The following KCNH5 variants were observed in gnomAD, a reference collection of about 807,000 sequenced individuals.
The protein encoded by KCNH5 is potassium voltage-gated channel subfamily H member 5, also known as voltage-gated delayed rectifier potassium channel KCNH5.
KCNH5 carries 46 observed loss-of-function variants against 96.1 expected under a neutral mutation model. The observed-to-expected ratio is 0.48, with a 90% CI of 0.38 to 0.61. The LOEUF (loss-of-function observed/expected upper bound fraction) is 0.61. Ranked by LOEUF, KCNH5 falls within the 20% of genes least tolerant of loss-of-function variation. The probability of loss-of-function intolerance (pLI) is 0.00; values close to 1 mark genes in which losing one functional copy is unlikely to be tolerated. For synonymous variants in KCNH5, 439 were observed against 449.8 expected (o/e 0.98, Z 0.30); for missense variants, 907 against 1,225.8 (o/e 0.74, Z 3.88).
At chr14:62,856,566 A>T (rs1887933587) in intron 7 of KCNH5, among the ~76,000 whole-genome samples, 1 of 152,242 alleles carries the variant, frequency 6.6e-6, no homozygotes, top group Non-Finnish European at 1.5e-5. Context: ...ATCTGTGATC[A>T]TCTGTGTAGC....
chr14:62,989,911 T>C (rs1890778479), intron 4 of KCNH5, among the ~76,000 whole-genome samples: 1 of 152,104 alleles, frequency 6.6e-6, no homozygotes, highest in African/African-American at 2.4e-5. Flanking sequence ...GTCATAGGTA[T>C]ATTATAATTT....
chr14:62,812,486 C>A (rs1886892343), intron 8 of KCNH5, among the ~76,000 whole-genome samples: 1 of 152,118 alleles, frequency 6.6e-6, no homozygotes, highest in African/African-American at 2.4e-5. Flanking sequence ...AGGACCTGAG[C>A]CAGAGGTTAG....
chr14:62,708,528 G>C (rs2033336224), intron 10 of KCNH5, 73 bp from the exon 11 acceptor site: 2 of 906,396 alleles, frequency 2.2e-6, no homozygotes, highest in Non-Finnish European at 1.6e-6. Context: ...ATACTATGCT[G>C]TATGTGCTTT....
intron 7 of KCNH5, among the ~76,000 whole-genome samples, chr14:62,894,031 C>T (rs1888762477): frequency 6.6e-6 from 1 of 152,162 alleles, no homozygotes; most frequent in African/African-American, 2.4e-5. Context: ...ATTGAAGACT[C>T]AGATGATTTT....
intron 8 of KCNH5, among the ~76,000 whole-genome samples, chr14:62,805,896 GAAC>G (rs1886757579): frequency 6.6e-6 from 1 of 152,154 alleles, no homozygotes; most frequent in African/African-American, 2.4e-5. Context: ...ATGTGAACCA[GAAC>G]AACTCCATCT....
At chr14:62,947,026 A>T (rs887293966) in intron 7 of KCNH5, among the ~76,000 whole-genome samples, 1 of 152,112 alleles carries the variant, frequency 6.6e-6, no homozygotes, top group Non-Finnish European at 1.5e-5. Context: ...CATGTGATAA[A>T]ACAATACAGA....
In KCNH5 at chr14:62,888,244, A is replaced by G. The variant is rs1022201118; in HGVS notation, c.1370-38392T>C. ...TTAATTCCATTCAAACTGAAACTAT[A>G]CAGACTGAAAGTCCTGCACATACTA... On this transcript the variant is annotated intron_variant, in intron 7 of 10. Coordinates refer to ENST00000322893, the MANE Select transcript of KCNH5 (RefSeq NM_139318.5). 2.0e-5 allele frequency among the ~76,000 whole-genome samples: 3 copies of G among 152,232 alleles called. No homozygotes were observed. The South Asian group carries it at 6.2e-4, about 31-fold the overall frequency.
intron 5 of KCNH5, among the ~76,000 whole-genome samples, chr14:62,986,135 G>A (rs1447583314): frequency 1.3e-5 from 2 of 152,016 alleles, no homozygotes; most frequent in African/African-American, 4.8e-5. Flanking sequence ...TTCCTCACTG[G>A]TTTCCCTACC....
chr14:62,821,040 C>T (rs750173875), intron 8 of KCNH5, among the ~76,000 whole-genome samples: 2 of 151,924 alleles, frequency 1.3e-5, no homozygotes, highest in Admixed American at 6.6e-5. Flanking sequence ...ACAACCTCAC[C>T]AGCATCTATT....
intron 1 of KCNH5, among the ~76,000 whole-genome samples, chr14:63,037,665 C>T (rs1891748203): frequency 6.6e-6 from 1 of 152,118 alleles, no homozygotes; most frequent in Non-Finnish European, 1.5e-5. Flanking sequence ...TTAACTTTTC[C>T]CCTCAATCCA....
At chr14:62,832,400 G>A (rs1205096988) in intron 8 of KCNH5, among the ~76,000 whole-genome samples, 2 of 152,058 alleles carry the variant, frequency 1.3e-5, no homozygotes, top group East Asian at 3.9e-4. Context: ...TTAGCATAAT[G>A]TCCTCAAGGT....
At chr14:62,982,901 G>A (rs1301093723) in intron 5 of KCNH5, among the ~76,000 whole-genome samples, 5 of 152,102 alleles carry the variant, frequency 3.3e-5, no homozygotes, top group Non-Finnish European at 5.9e-5. Context: ...TTACTTAACA[G>A]CAAATCATCC....
chr14:63,004,833 A>G (rs970265131), intron 3 of KCNH5, among the ~76,000 whole-genome samples: 8 of 152,040 alleles, frequency 5.3e-5, no homozygotes, highest in African/African-American at 1.9e-4. Context: ...ATATTTTTTG[A>G]GAAACTCAGG....
intron 9 of KCNH5, among the ~76,000 whole-genome samples, chr14:62,800,790 C>T (rs1167394053): frequency 6.6e-6 from 1 of 152,006 alleles, no homozygotes; most frequent in Non-Finnish European, 1.5e-5. Context: ...CATTTTACCA[C>T]AAAGGATTGC....
chr14:63,023,984 C>A (rs2139615448), intron 1 of KCNH5, among the ~76,000 whole-genome samples: 1 of 151,992 alleles, frequency 6.6e-6, no homozygotes, highest in South Asian at 2.1e-4. Context: ...CTGAGCCAGG[C>A]AAATCATGAG....
chr14:62,848,581 A>G (rs979110195), intron 8 of KCNH5, among the ~76,000 whole-genome samples: 3 of 152,026 alleles, frequency 2.0e-5, no homozygotes, highest in Non-Finnish European at 2.9e-5. Context: ...TCCATTCCCT[A>G]TGCCTCCACT....
intron 7 of KCNH5, among the ~76,000 whole-genome samples, chr14:62,894,450 C>A (rs921542836): frequency 6.6e-6 from 1 of 152,206 alleles, no homozygotes; most frequent in Non-Finnish European, 1.5e-5. Flanking sequence ...TGCTCCTGCA[C>A]GTTTGTAAGT....
chr14:62,780,457 T>C (rs243168), intron 9 of KCNH5, among the ~76,000 whole-genome samples: 149,099 of 152,168 alleles, frequency 0.98, 73,109 homozygotes, highest in East Asian at 1. Context: ...CTCTACCTAG[T>C]CAACCTTATA....
chr14:62,859,303 T>G (rs1037633470), intron 7 of KCNH5, among the ~76,000 whole-genome samples: 1 of 152,188 alleles, frequency 6.6e-6, no homozygotes, highest in African/African-American at 2.4e-5. Context: ...CAGATCAGCC[T>G]TGGTGAGTGG....
Sources: gnomAD v4.1 joint callset for allele counts (sites outside exome capture counted in the v4.1 genomes callset) on GRCh38, gnomAD v4.1.1 for gene constraint, MANE v1.5 for transcripts, NCBI Gene and HGNC (gene_info 2026-07-23, HGNC 2026-07-21) for gene names.